The following DMD variants were observed in gnomAD, a reference collection of about 807,000 sequenced individuals.
DMD encodes mutant dystrophin.
DMD carries 63 observed loss-of-function variants against 330.1 expected under a neutral mutation model. The observed-to-expected ratio is 0.19, with a 90% CI of 0.16 to 0.24. The LOEUF (loss-of-function observed/expected upper bound fraction) is 0.24, where lower values mean the gene tolerates loss of function less well. Among genes scored for constraint, DMD ranks in the 10% least tolerant of loss-of-function variants. DMD has a pLI of 1.00. For synonymous variants in DMD, 1,223 were observed against 959.8 expected, an observed-to-expected ratio of 1.27 and a Z score of -5.07; for missense variants, 3,344 against 2,684.1, an observed-to-expected ratio of 1.25 and a Z score of -5.43.
At chrX:32,544,735 G>A (rs918377223) in intron 17 of DMD, among the ~76,000 whole-genome samples, 1 of 109,444 alleles carries the variant, frequency 9.1e-6, no homozygotes, top group Non-Finnish European at 1.9e-5. Flanking sequence ...TACCAGGATG[G>A]ATCCCATCTA....
chrX:32,329,323 G>C (rs185493373), intron 41 of DMD, among the ~76,000 whole-genome samples: 15 of 112,403 alleles, frequency 1.3e-4, no homozygotes, highest in African/African-American at 4.8e-4. Flanking sequence ...CACCTGTGGA[G>C]ATAATGTTCA....
chrX:32,969,027 CAAAAAAAAAAAAAAAA>C (rs142087164), intron 2 of DMD, among the ~76,000 whole-genome samples: 7 of 19,813 alleles, frequency 3.5e-4, no homozygotes, highest in Non-Finnish European at 4.6e-4. Context: ...GATTCTGTCT[CAAAAAAAAAAAAAAAA>C]AAAAAAAAAA....
At chrX:31,328,008 A>C (rs779390770) in intron 61 of DMD, among the ~76,000 whole-genome samples, 1 of 112,525 alleles carries the variant, frequency 8.9e-6, no homozygotes, top group Non-Finnish European at 1.9e-5. Context: ...TTGCATAAGC[A>C]TAAGTTTTCA....
intron 2 of DMD, among the ~76,000 whole-genome samples, chrX:33,009,782 A>G (rs867160525): frequency 1.3e-4 from 3 of 23,484 alleles, no homozygotes; most frequent in African/African-American, 2.4e-4. Flanking sequence ...ATACACACAT[A>G]TGTGTATATG....
At chrX:33,307,366 A>G (rs913926952) in intron 1 of DMD, among the ~76,000 whole-genome samples, 4 of 112,332 alleles carry the variant, frequency 3.6e-5, no homozygotes, top group Middle Eastern at 4.6e-3. Context: ...AAAGAGTTTG[A>G]CATTTCACTC....
rs151105198 is a variant in DMD, at chrX:32,314,325, G to A, written c.5923-4049C>T. 5.2e-3 allele frequency among the ~76,000 whole-genome samples: 575 copies of A among 111,261 alleles called. 4 individuals carry two copies. The highest frequency in any genetic ancestry group is 0.016 in the African/African-American group (489 of 30,622). ...GATTCCCTATTTAATAAATGGTGTC[G>A]GGAAAACTGGCTGGCCATATGCAGA... On this transcript the variant is annotated intron_variant, in intron 41 of 78. Transcript: ENST00000357033.
rs142875845 is a variant in DMD at position 33,116,666 on chromosome X, T to C, written c.31+94616A>G. On this transcript the variant is annotated intron_variant, in intron 1 of 78. Coordinates refer to ENST00000357033, the MANE Select transcript of DMD (RefSeq NM_004006.3). ...TAGAAATAACTATGTGGAACAAAAG[T>C]TCATAGAAAAAAGAGGTGTTTCAAG... Among the ~76,000 whole-genome samples, 936 of 111,560 alleles carry C rather than the reference T, an allele frequency of 8.4e-3. 10 individuals carry two copies. The highest frequency in any genetic ancestry group is 0.029 in the African/African-American group (884 of 30,707).
intron 26 of DMD, among the ~76,000 whole-genome samples, chrX:32,450,015 G>A (rs1184912729): frequency 2.7e-5 from 3 of 110,857 alleles, no homozygotes; most frequent in Non-Finnish European, 5.7e-5. Flanking sequence ...ATTCAGGGGT[G>A]AAGAAATTGG....
At chrX:33,123,722 T>C (rs1341196305) in intron 1 of DMD, among the ~76,000 whole-genome samples, 2 of 101,691 alleles carry the variant, frequency 2.0e-5, no homozygotes, top group Non-Finnish European at 3.9e-5. Context: ...CCGGTTCAAA[T>C]GAGTTTTTTT....
At chrX:32,611,954 T>C in intron 12 of DMD, among the ~76,000 whole-genome samples, 1 of 111,760 alleles carries the variant, frequency 8.9e-6, no homozygotes, top group Non-Finnish European at 1.9e-5. Context: ...AAAATGACAA[T>C]TTAGTTAGTG....
intron 37 of DMD, among the ~76,000 whole-genome samples, chrX:32,356,886 AT>A (rs1569559515): frequency 1.8e-5 from 2 of 111,414 alleles, no homozygotes; most frequent in East Asian, 2.8e-4. Flanking sequence ...TATTATTGAA[AT>A]TTTTTTTAAT....
At chrX:32,819,876 A>G (rs1391532121) in intron 5 of DMD, among the ~76,000 whole-genome samples, 1 of 109,314 alleles carries the variant, frequency 9.1e-6, no homozygotes, top group Non-Finnish European at 1.9e-5. Flanking sequence ...AGAAAAACAC[A>G]TTTTTAGATT....
Position 32,697,964 on chromosome X carries a change from G to C in DMD, c.866C>G (p.Thr289Ser), listed in dbSNP as rs1238247954. The change falls in exon 9 of 79, where the codon ACT becomes AGT. Residue 289 changes from threonine to serine, a missense_variant. Thr to Ser is a moderately conservative substitution (Grantham distance 58). Coordinates refer to ENST00000357033, the MANE Select transcript of DMD (RefSeq NM_004006.3). ...CTTGAATCGAGGCTTAGGGGAAGAA[G>C]TTCTCTCATATCCCTGTGCTAGACT... The part of the protein sequence containing the change: ...TVSLAQGYER[T>S]SSPKPRFKSY... The C allele has an allele frequency of 8.3e-7, 1 of 1,200,279 alleles. No individual in the cohort carries two copies. Among genetic ancestry groups the C allele is most frequent in the Non-Finnish European group, 1.1e-6 (1 of 890,546 alleles).
chrX:32,345,918 TA>T, intron 39 of DMD, 24 bp downstream of exon 39: 1 of 1,204,571 alleles, frequency 8.3e-7, no homozygotes, highest in South Asian at 1.8e-5. Context: ...ACAGGCAAGG[TA>T]TATTATAATT....
chrX:31,476,397 G>GTATATA (rs373498710), intron 59 of DMD, among the ~76,000 whole-genome samples: 95 of 88,306 alleles, frequency 1.1e-3, no homozygotes, highest in African/African-American at 3.6e-3. Flanking sequence ...GTGTGTGTGT[G>GTATATA]TATATATATA....
intron 1 of DMD, among the ~76,000 whole-genome samples, chrX:33,146,227 G>C (rs777332587): frequency 9.1e-6 from 1 of 109,881 alleles, no homozygotes; most frequent in African/African-American, 3.3e-5. Context: ...AAACATTTTC[G>C]TCAGCCCAAA....
chrX:32,638,077 A>C (rs1028522347), intron 11 of DMD, among the ~76,000 whole-genome samples: 1 of 112,252 alleles, frequency 8.9e-6, no homozygotes, highest in Non-Finnish European at 1.9e-5. Context: ...CAGAAAAATT[A>C]TTATGACCAT....
At chrX:32,155,126 G>A (rs1235484445) in intron 44 of DMD, among the ~76,000 whole-genome samples, 3 of 109,806 alleles carry the variant, frequency 2.7e-5, no homozygotes, top group Non-Finnish European at 5.7e-5. Flanking sequence ...ATAATGGAAG[G>A]ATGCATTTTT....
intron 4 of DMD, among the ~76,000 whole-genome samples, chrX:32,826,083 TAAATG>T (rs770304113): frequency 4.5e-5 from 5 of 111,588 alleles, no homozygotes; most frequent in African/African-American, 6.5e-5. Flanking sequence ...GGCCAGCACA[TAAATG>T]AAATAATGTT....
Sources: allele counts gnomAD v4.1 joint callset (sites outside exome capture counted in the v4.1 genomes callset), GRCh38; gene constraint gnomAD v4.1.1; transcripts MANE v1.5; gene names NCBI Gene and HGNC (gene_info 2026-07-23, HGNC 2026-07-21).